The following GRIP1 variants were observed in gnomAD, a reference collection of about 807,000 sequenced individuals.
The protein encoded by GRIP1 is glutamate receptor interacting protein 1, also known as glutamate receptor-interacting protein 1.
In GRIP1, 45 loss-of-function variants were observed where a neutral mutation model predicts 129.9. The observed-to-expected ratio is 0.35, with a 90% CI of 0.27 to 0.44. GRIP1 has a LOEUF of 0.44. GRIP1 is among the 20% of genes least tolerant of loss of function. GRIP1 has a pLI of 1.00. For synonymous variants in GRIP1, 530 were observed against 520.8 expected, an observed-to-expected ratio of 1.02 and a Z score of -0.24; for missense variants, 1,196 against 1,396.8, an observed-to-expected ratio of 0.86 and a Z score of 2.29.
At chr12:66,662,818 C>G (rs2033588565) in intron 1 of GRIP1, among the ~76,000 whole-genome samples, 1 of 152,160 alleles carries the variant, frequency 6.6e-6, no homozygotes, top group Non-Finnish European at 1.5e-5. Context: ...CTGTCGATTA[C>G]TGCTCTACCC....
At chr12:66,493,861 T>G (rs539161100) in intron 7 of GRIP1, among the ~76,000 whole-genome samples, 11 of 152,214 alleles carry the variant, frequency 7.2e-5, no homozygotes, top group Middle Eastern at 3.2e-3. Context: ...GGAGTAAACC[T>G]GTGTTCCTTT....
intron 1 of GRIP1, among the ~76,000 whole-genome samples, chr12:66,795,636 A>T (rs1463578356): frequency 6.6e-6 from 1 of 152,194 alleles, no homozygotes; most frequent in African/African-American, 2.4e-5. Context: ...TTATTCCAAC[A>T]AGCAACATAC....
chr12:66,816,254 C>T (rs1163919180), intron 1 of GRIP1, among the ~76,000 whole-genome samples: 2 of 152,124 alleles, frequency 1.3e-5, no homozygotes, highest in Non-Finnish European at 2.9e-5. Context: ...TCTCCCCTCA[C>T]TTACTTTATT....
intron 13 of GRIP1, among the ~76,000 whole-genome samples, chr12:66,443,220 T>G (rs2058518678): frequency 1.3e-5 from 2 of 152,240 alleles, no homozygotes; most frequent in African/African-American, 2.4e-5. Flanking sequence ...GCCTTGTTTT[T>G]GGGCTGGGAG....
intron 1 of GRIP1, among the ~76,000 whole-genome samples, chr12:67,049,400 T>A (rs1013175822): frequency 1.3e-5 from 2 of 152,190 alleles, no homozygotes; most frequent in Non-Finnish European, 2.9e-5. Context: ...AATGAGTTCA[T>A]GTCCTTTGCA....
chr12:66,538,990 A>T, intron 4 of GRIP1, 88 bp downstream of exon 4: 1 of 1,090,830 alleles, frequency 9.2e-7, no homozygotes, highest in Non-Finnish European at 1.4e-6. Context: ...CCTGATATAT[A>T]TAGGGTTTGG....
intron 1 of GRIP1, among the ~76,000 whole-genome samples, chr12:66,861,370 G>GA (rs764070513): frequency 3.3e-5 from 5 of 152,060 alleles, no homozygotes; most frequent in Non-Finnish European, 7.4e-5. Flanking sequence ...ATGTGCAGCA[G>GA]AAAAAAATGC....
At chr12:66,427,334 G>A (rs1380488833) in intron 14 of GRIP1, among the ~76,000 whole-genome samples, 1 of 151,778 alleles carries the variant, frequency 6.6e-6, no homozygotes, top group African/African-American at 2.4e-5. Flanking sequence ...AAGAAGTAAA[G>A]GCTTGTGTTC....
At chr12:66,604,480 G>A (rs948411710) in intron 1 of GRIP1, among the ~76,000 whole-genome samples, 2 of 152,176 alleles carry the variant, frequency 1.3e-5, no homozygotes, top group African/African-American at 4.8e-5. Context: ...TTTGTCAAGG[G>A]CTGGAATGTA....
At chr12:66,989,402 G>C (rs2042361775) in intron 1 of GRIP1, among the ~76,000 whole-genome samples, 1 of 152,160 alleles carries the variant, frequency 6.6e-6, no homozygotes, top group African/African-American at 2.4e-5. Flanking sequence ...TTATCACAGT[G>C]AAGATCACTG....
intron 1 of GRIP1, among the ~76,000 whole-genome samples, chr12:66,755,773 C>T (rs1013192089): frequency 6.6e-6 from 1 of 152,218 alleles, no homozygotes; most frequent in African/African-American, 2.4e-5. Flanking sequence ...AGGGAATTCA[C>T]TCCCCAAGGG....
chr12:67,050,656 AT>A (rs1394468126), intron 1 of GRIP1, among the ~76,000 whole-genome samples: 1 of 152,256 alleles, frequency 6.6e-6, no homozygotes, highest in African/African-American at 2.4e-5. Flanking sequence ...TGCTCTTAAG[AT>A]TTTTTTCAAG....
At chr12:66,390,758 A>G (rs2056553450) in intron 19 of GRIP1, among the ~76,000 whole-genome samples, 1 of 152,216 alleles carries the variant, frequency 6.6e-6, no homozygotes. Flanking sequence ...TGATAAATAA[A>G]CCTGAGTCTA....
chr12:66,392,864 G>A (rs2270594), intron 17 of GRIP1, 48 bp from the exon 18 acceptor site: 1,518,349 of 1,561,620 alleles, frequency 0.97, 743,475 homozygotes, highest in Non-Finnish European at 1. Flanking sequence ...TCCCTGTATG[G>A]TACTGAATAT....
intron 1 of GRIP1, among the ~76,000 whole-genome samples, chr12:67,034,511 C>T (rs2043067079): frequency 6.6e-6 from 1 of 152,014 alleles, no homozygotes; most frequent in Admixed American, 6.6e-5. Flanking sequence ...TGTATCTAAA[C>T]ATAGAAAAGG....
intron 1 of GRIP1, among the ~76,000 whole-genome samples, chr12:66,888,917 T>C (rs1010186271): frequency 6.6e-6 from 1 of 152,216 alleles, no homozygotes; most frequent in African/African-American, 2.4e-5. Context: ...CTAAAAATAT[T>C]TGAAGACTAC....
intron 1 of GRIP1, among the ~76,000 whole-genome samples, chr12:67,058,735 T>C (rs2043480016): frequency 6.6e-6 from 1 of 152,242 alleles, no homozygotes; most frequent in African/African-American, 2.4e-5. Context: ...TATTTCTTTC[T>C]TTGCTGATGT....
At chr12:66,723,996 A>C (rs73327057) in intron 1 of GRIP1, among the ~76,000 whole-genome samples, 2,129 of 152,320 alleles carry the variant, frequency 0.014, 58 homozygotes, top group African/African-American at 0.049. Context: ...TTAGGAAAGC[A>C]TCATGCCCTT....
At chr12:66,390,937 A>T (rs921833869) in intron 19 of GRIP1, among the ~76,000 whole-genome samples, 1 of 152,242 alleles carries the variant, frequency 6.6e-6, no homozygotes, top group Admixed American at 6.5e-5. Flanking sequence ...TTAGGTGTTC[A>T]AAGTATTTTC....
Sources: gnomAD v4.1 joint callset for allele counts (sites outside exome capture counted in the v4.1 genomes callset) on GRCh38, gnomAD v4.1.1 for gene constraint, MANE v1.5 for transcripts, NCBI Gene and HGNC (gene_info 2026-07-23, HGNC 2026-07-21) for gene names.